Variants in CA10 observed in about 807,000 individuals in gnomAD.
CA10 encodes the protein carbonic anhydrase-related protein 10.
A neutral mutation model predicts 44.2 loss-of-function variants in CA10; 14 were observed. That is an observed-to-expected ratio of 0.32 (90% CI 0.21 to 0.50). CA10 has a LOEUF of 0.50. Among genes scored for constraint, CA10 ranks in the 20% least tolerant of loss-of-function variants. The pLI is 0.99. For missense variants in CA10, 350 were observed against 409.7 expected (o/e 0.85, Z 1.26); for synonymous variants, 159 against 141.6 (o/e 1.12, Z -0.87).
chr17:52,037,494 T>C (rs1986651453), intron 2 of CA10, among the ~76,000 whole-genome samples: 1 of 152,136 alleles, frequency 6.6e-6, no homozygotes, highest in Non-Finnish European at 1.5e-5. Context: ...TTGTGTACAT[T>C]TCATAAAGAA....
At chr17:51,923,564 C>T (rs762040891) in intron 3 of CA10, among the ~76,000 whole-genome samples, 2 of 152,084 alleles carry the variant, frequency 1.3e-5, no homozygotes, top group African/African-American at 4.8e-5. Context: ...TTTGAAGGAA[C>T]ATAAAAGCCT....
intron 4 of CA10, among the ~76,000 whole-genome samples, chr17:51,674,756 C>T (rs1214845322): frequency 5.3e-5 from 8 of 152,116 alleles, no homozygotes; most frequent in African/African-American, 9.7e-5. Flanking sequence ...CATTTTATCA[C>T]GTGGCCGTGG....
intron 2 of CA10, among the ~76,000 whole-genome samples, chr17:51,988,423 G>T (rs994505872): frequency 1.3e-5 from 2 of 151,902 alleles, no homozygotes; most frequent in Admixed American, 1.3e-4. Flanking sequence ...ATAAAAGGAG[G>T]TTAAAAAGTA....
intron 3 of CA10, among the ~76,000 whole-genome samples, chr17:51,839,985 A>G (rs1374593511): frequency 1.3e-5 from 2 of 152,194 alleles, no homozygotes; most frequent in Admixed American, 6.5e-5. Context: ...AACTCCTTTT[A>G]CAGATAAAAA....
At chr17:52,113,030 A>C (rs1988818521) in intron 1 of CA10, among the ~76,000 whole-genome samples, 1 of 152,212 alleles carries the variant, frequency 6.6e-6, no homozygotes, top group Admixed American at 6.5e-5. Flanking sequence ...TAAAATATTT[A>C]ATGGCCAGCC....
chr17:51,706,078 C>T (rs553974695), intron 4 of CA10, among the ~76,000 whole-genome samples: 5 of 152,290 alleles, frequency 3.3e-5, no homozygotes, highest in South Asian at 4.1e-4. Context: ...CGAGTAGCTG[C>T]GCAGTGCTGG....
Position 52,157,754 on chromosome 17 carries a change from A to T in CA10, c.33T>A (p.Leu11=). 1 of 1,614,026 alleles carries T rather than the reference A, an allele frequency of 6.2e-7. No homozygotes were observed. Among genetic ancestry groups the T allele is most frequent in the Non-Finnish European group, 8.5e-7 (1 of 1,179,958 alleles). MEIVWEVLFL[L]QANFIVCISA... ...ATATGCAGACGATGAAATTGGCTTG[A>T]AGAAGAAAAAGCACCTCCCAGACTA... Residue 11 remains leucine, a synonymous_variant, in exon 1 of 9, where the codon CTT becomes CTA. Coordinates refer to ENST00000451037, the MANE Select transcript of CA10 (RefSeq NM_020178.5).
rs151224943 is a variant in CA10, at chr17:51,834,798, A to T, written c.280-86980T>A. ...AAGGTGCCAATTAAACTTACTTTAT[A>T]TGGTTGTCGAGGGAATTAAAGATAC... On this transcript the variant is annotated intron_variant, in intron 3 of 8. Transcript: ENST00000451037. Among the ~76,000 whole-genome samples the T allele has an allele frequency of 9.2e-5, 14 of 152,338 alleles. No homozygotes were observed. In the East Asian group the frequency reaches 2.3e-3, roughly 25 times the overall value.
At chr17:52,045,798 A>C (rs965268908) in intron 2 of CA10, among the ~76,000 whole-genome samples, 1 of 152,008 alleles carries the variant, frequency 6.6e-6, no homozygotes, top group Non-Finnish European at 1.5e-5. Context: ...TAACAGCACT[A>C]TATGCATTCA....
At chr17:52,001,312 T>C (rs1985417490) in intron 2 of CA10, among the ~76,000 whole-genome samples, 1 of 152,018 alleles carries the variant, frequency 6.6e-6, no homozygotes, top group South Asian at 2.1e-4. Context: ...TGCCAAACCA[T>C]AGACTATCCA....
chr17:52,107,045 A>G (rs1408485820), intron 1 of CA10, among the ~76,000 whole-genome samples: 1 of 152,138 alleles, frequency 6.6e-6, no homozygotes, highest in African/African-American at 2.4e-5. Context: ...TCGATTCCAT[A>G]TATTTGATAA....
intron 4 of CA10, among the ~76,000 whole-genome samples, chr17:51,661,425 C>A (rs1222038239): frequency 1.3e-5 from 2 of 152,146 alleles, no homozygotes; most frequent in Non-Finnish European, 2.9e-5. Flanking sequence ...AGCCTGGTTT[C>A]ACCCTTGGGT....
chr17:51,654,531 GT>G (rs561921306), intron 4 of CA10, among the ~76,000 whole-genome samples: 5 of 150,548 alleles, frequency 3.3e-5, no homozygotes, highest in African/African-American at 1.2e-4. Flanking sequence ...TTTTAAAACA[GT>G]TTTTTCTTAA....
intron 1 of CA10, among the ~76,000 whole-genome samples, chr17:52,080,119 G>A (rs990873796): frequency 6.6e-6 from 1 of 152,158 alleles, no homozygotes; most frequent in Non-Finnish European, 1.5e-5. Flanking sequence ...CGGGTAGCCC[G>A]TATTACTTTC....
intron 6 of CA10, among the ~76,000 whole-genome samples, chr17:51,647,326 A>G (rs1162442488): frequency 1.3e-5 from 2 of 152,192 alleles, no homozygotes; most frequent in Admixed American, 6.5e-5. Flanking sequence ...TGATGAAGAC[A>G]GAGTTCCTCC....
rs139800672 is a variant in CA10 at position 52,103,050 on chromosome 17, TTG to T, written c.62-30659_62-30658del. Among the ~76,000 whole-genome samples, 217 of 152,282 alleles carry T rather than the reference TTG, an allele frequency of 1.4e-3. 5 individuals carry two copies. In the East Asian group the frequency reaches 0.028, roughly 20 times the overall value. On this transcript the variant is annotated intron_variant, in intron 1 of 8. Transcript: ENST00000451037. ...TGTCCTTGGGTTTACACTTTTAGAA[TTG>T]TCTCAGCCTAAGGTAATCATGAGAA...
intron 3 of CA10, 65 bp from the exon 4 acceptor site, chr17:51,747,883 A>G (rs1904758953): frequency 2.3e-6 from 3 of 1,286,684 alleles, no homozygotes; most frequent in South Asian, 2.7e-5. Flanking sequence ...CAAACCCAGC[A>G]TGGTGCTTGG....
At chr17:51,904,636 T>C (rs1981464020) in intron 3 of CA10, among the ~76,000 whole-genome samples, 1 of 152,158 alleles carries the variant, frequency 6.6e-6, no homozygotes, top group Admixed American at 6.6e-5. Context: ...TTTGGAAATC[T>C]TATATGCATA....
intron 8 of CA10, among the ~76,000 whole-genome samples, chr17:51,631,816 C>T (rs1761243431): frequency 6.6e-6 from 1 of 152,086 alleles, no homozygotes; most frequent in African/African-American, 2.4e-5. Flanking sequence ...CCACTAGCTG[C>T]CATATGTGGC....
Sources: allele counts gnomAD v4.1 joint callset (sites outside exome capture counted in the v4.1 genomes callset), GRCh38; gene constraint gnomAD v4.1.1; transcripts MANE v1.5; gene names NCBI Gene and HGNC (gene_info 2026-07-23, HGNC 2026-07-21).